The following CDH23 variants were observed in gnomAD, a reference collection of about 807,000 sequenced individuals.
The protein encoded by CDH23 is cadherin related 23.
A neutral mutation model predicts 317.1 loss-of-function variants in CDH23; 189 were observed. The ratio of observed to expected loss-of-function variants is 0.60; its 90% CI spans 0.53 to 0.67. The LOEUF is 0.67. CDH23 is among the 30% of genes least tolerant of loss of function. The pLI is 0.00. For synonymous variants in CDH23, 1,839 were observed against 1,876.8 expected, an observed-to-expected ratio of 0.98 and a Z score of 0.52; for missense variants, 4,401 against 4,592.4, an observed-to-expected ratio of 0.96 and a Z score of 1.20.
intron 28 of CDH23, chr10:71,715,789 T>A: frequency 4.3e-6 from 3 of 704,530 alleles, no homozygotes; most frequent in Non-Finnish European, 6.5e-6. Flanking sequence ...GGCGCTGGCC[T>A]GGGCATGCAA....
intron 26 of CDH23, among the ~76,000 whole-genome samples, 197 bp from the exon 27 acceptor site, chr10:71,708,901 T>C (rs550667001): frequency 3.9e-5 from 6 of 152,288 alleles, no homozygotes; most frequent in Middle Eastern, 3.4e-3. Flanking sequence ...TAGGAACGGA[T>C]TCCAGGCATC....
intron 14 of CDH23, among the ~76,000 whole-genome samples, chr10:71,655,934 G>A (rs552975111): frequency 2.0e-5 from 3 of 152,212 alleles, no homozygotes; most frequent in South Asian, 4.1e-4. Flanking sequence ...ACATCCCCTC[G>A]GGTGACAAGC....
chr10:71,601,215 T>C (rs954061552), intron 9 of CDH23, among the ~76,000 whole-genome samples: 2 of 152,232 alleles, frequency 1.3e-5, no homozygotes, highest in Non-Finnish European at 2.9e-5. Flanking sequence ...GGAGAAGGAA[T>C]ATAGGCATTG....
At chr10:71,452,309 G>A (rs1298324452) in intron 3 of CDH23, among the ~76,000 whole-genome samples, 1 of 152,148 alleles carries the variant, frequency 6.6e-6, no homozygotes, top group African/African-American at 2.4e-5. Context: ...CCATGCCCTG[G>A]AGGGGGGCAG....
At chr10:71,796,031 G>A in intron 48 of CDH23, 1 of 986,956 alleles carries the variant, frequency 1.0e-6, no homozygotes, top group Non-Finnish European at 1.2e-6. Flanking sequence ...GGGGGACAGG[G>A]AGCGAGAGTA....
At chr10:71,776,442 C>G (rs569797870) in intron 38 of CDH23, among the ~76,000 whole-genome samples, 5 of 152,356 alleles carry the variant, frequency 3.3e-5, no homozygotes, top group African/African-American at 1.2e-4. Flanking sequence ...GTTCTCTCTA[C>G]CCAGACACCT....
Position 71,617,408 on chromosome 10 carries a change from AC to A in CDH23, c.1134+16del. ...ACAAGGATGAGGTGAGTCCCTGGACACATGGCCCATGCAGACCCACCACCCA... is the reference window on the plus strand; with the variant it reads ...ACAAGGATGAGGTGAGTCCCTGGACAATGGCCCATGCAGACCCACCACCCA... On this transcript the variant is annotated intron_variant, in intron 11 of 69. Coordinates refer to ENST00000224721, the MANE Select transcript of CDH23 (RefSeq NM_022124.6). 1 of 1,611,852 alleles carries A rather than the reference AC, an allele frequency of 6.2e-7. No homozygotes were observed. The highest frequency in any genetic ancestry group is 8.5e-7 in the Non-Finnish European group (1 of 1,179,750).
intron 18 of CDH23, among the ~76,000 whole-genome samples, chr10:71,683,862 C>T (rs1864759715): frequency 6.6e-6 from 1 of 152,082 alleles, no homozygotes; most frequent in South Asian, 2.1e-4. Flanking sequence ...GCAGGTGGAT[C>T]ACGAGGTCAG....
intron 38 of CDH23, chr10:71,752,052 G>A (rs1321441548): frequency 2.8e-6 from 2 of 726,222 alleles, no homozygotes; most frequent in African/African-American, 1.7e-5. Context: ...CTGCCCACCT[G>A]TCCTGAGCTG....
rs187975106 is a variant in CDH23, at chr10:71,712,825, G to A, written c.3369+12G>A. The stretch of plus-strand genomic sequence containing the variant: ...ACAGCATCTTGCAGGCAGGTGGCCC[G>A]TGGCCTCTGGGGCAGGTGGTGGGCT... On this transcript the variant is annotated intron_variant, in intron 28 of 69. Coordinates refer to ENST00000224721, the MANE Select transcript of CDH23 (RefSeq NM_022124.6). 7.0e-4 allele frequency: 1,121 copies of A among 1,608,272 alleles called. No homozygotes were observed. Among genetic ancestry groups the A allele is most frequent in the Non-Finnish European group, 8.5e-4 (1,001 of 1,177,774 alleles).
intron 20 of CDH23, 134 bp downstream of exon 20, chr10:71,690,718 G>A: frequency 1.6e-6 from 1 of 624,678 alleles, no homozygotes; most frequent in Non-Finnish European, 2.9e-6. Flanking sequence ...GAGCACCAGT[G>A]TAATCCATGA....
chr10:71,638,046 A>G (rs1331849634), intron 11 of CDH23, among the ~76,000 whole-genome samples: 2 of 152,214 alleles, frequency 1.3e-5, no homozygotes, highest in Non-Finnish European at 2.9e-5. Flanking sequence ...GCCATAGGGA[A>G]TTTCCTGGCT....
chr10:71,454,254 C>T (rs1023384988), intron 3 of CDH23, among the ~76,000 whole-genome samples: 5 of 152,218 alleles, frequency 3.3e-5, no homozygotes, highest in Non-Finnish European at 7.3e-5. Context: ...TTCAGTTTAC[C>T]TCTTTGGGTT....
chr10:71,814,371 C>T (rs1394123266), intron 69 of CDH23, among the ~76,000 whole-genome samples: 2 of 152,232 alleles, frequency 1.3e-5, no homozygotes, highest in African/African-American at 2.4e-5. Flanking sequence ...GCTTTGATTA[C>T]GTTGCTGCAT....
rs149034055 is a variant in CDH23, at chr10:71,397,987, G to A, written c.-6+669G>A. On this transcript the variant is annotated intron_variant, in intron 1 of 69. Coordinates refer to ENST00000224721, the MANE Select transcript of CDH23 (RefSeq NM_022124.6). This position sits in a 1 kb window ranked among gnomAD's most constrained non-coding sequence, Gnocchi z 4.8. ...GCCCTGGAACTGGTCCGCTACGAGCGGTGCTGGCTGCCCCCAGGAGCTGGC... is the reference window on the plus strand; with the variant it reads ...GCCCTGGAACTGGTCCGCTACGAGCAGTGCTGGCTGCCCCCAGGAGCTGGC... Among the ~76,000 whole-genome samples, 396 of 152,332 alleles carry A rather than the reference G, an allele frequency of 2.6e-3. No individual in the cohort carries two copies. Among genetic ancestry groups the A allele is most frequent in the Non-Finnish European group, 4.7e-3 (321 of 68,022 alleles).
intron 25 of CDH23, among the ~76,000 whole-genome samples, chr10:71,705,981 A>T (rs536254402): frequency 7.0e-4 from 106 of 152,112 alleles, no homozygotes; most frequent in Non-Finnish European, 1.5e-3. Flanking sequence ...TCTCTCTCCC[A>T]TTGGTCCGAA....
chr10:71,473,304 G>C (rs1372809167), intron 3 of CDH23, among the ~76,000 whole-genome samples: 2 of 152,232 alleles, frequency 1.3e-5, no homozygotes, highest in Admixed American at 1.3e-4. Context: ...ACAGCATCAA[G>C]TGGATGGAGA....
At chr10:71,595,350 T>G (rs1218011774) in intron 9 of CDH23, among the ~76,000 whole-genome samples, 4 of 152,088 alleles carry the variant, frequency 2.6e-5, no homozygotes, top group Admixed American at 2.0e-4. Flanking sequence ...CCTTAAAAAC[T>G]TATCTTCACA....
rs201475055 is a variant in CDH23, at chr10:71,679,448, C to T, written c.1814C>T (p.Ala605Val). Residue 605 changes from alanine (A) to valine (V), a missense_variant, in exon 17 of 70, where the codon GCC becomes GTC. By Grantham distance (64) the Ala-to-Val change is moderately conservative. This residue lies in a region of CDH23 where 3,068 missense variants were observed against 3,203.3 expected (regional missense o/e 0.96). Coordinates refer to ENST00000224721, the MANE Select transcript of CDH23 (RefSeq NM_022124.6). ...QITYSIVSAS[A>V]FGSYFDISLY... ...ACCTACAGCATTGTCAGTGCATCTG[C>T]CTTTGGCAGCTACTTCGACATCAGC... 5.7e-4 allele frequency: 925 copies of T among 1,613,550 alleles called. 6 individuals carry two copies. In the Middle Eastern group the frequency reaches 7.4e-3, roughly 13 times the overall value.
Sources: allele counts gnomAD v4.1 joint callset (sites outside exome capture counted in the v4.1 genomes callset), GRCh38; gene constraint gnomAD v4.1.1; regional missense constraint gnomAD v4.1.1; non-coding constraint Gnocchi (gnomAD v3.1); transcripts MANE v1.5; gene names NCBI Gene and HGNC (gene_info 2026-07-23, HGNC 2026-07-21).